EIF4ENIF1: variants seen among roughly 807,000 people sequenced by gnomAD.
EIF4ENIF1 encodes the protein eukaryotic translation initiation factor 4E nuclear import factor 1.
Under a neutral mutation model 110.5 loss-of-function variants are expected in EIF4ENIF1, and 23 were observed. That is an observed-to-expected ratio of 0.21 (90% CI 0.15 to 0.29). The LOEUF is 0.29. Among genes scored for constraint, EIF4ENIF1 ranks in the 10% least tolerant of loss-of-function variants. EIF4ENIF1 has a pLI of 1.00. For synonymous variants in EIF4ENIF1, 440 were observed against 437.0 expected, an observed-to-expected ratio of 1.01 and a Z score of -0.09; for missense variants, 1,031 against 1,221.1, an observed-to-expected ratio of 0.84 and a Z score of 2.32.
intron 1 of EIF4ENIF1, 38 bp from the exon 2 acceptor site, chr22:31,488,783 AGT>A: frequency 6.4e-7 from 1 of 1,557,786 alleles, no homozygotes; most frequent in Non-Finnish European, 8.6e-7. Context: ...CACCGAGAAC[AGT>A]AAGTTTTCAG....
intron 14 of EIF4ENIF1, 33 bp downstream of exon 14, chr22:31,447,393 T>C: frequency 6.2e-7 from 1 of 1,604,974 alleles, no homozygotes; most frequent in Non-Finnish European, 8.5e-7. Flanking sequence ...AACTTATCCG[T>C]AAATCTCCAC....
At chr22:31,465,645 A>G (rs2051160224) in intron 4 of EIF4ENIF1, among the ~76,000 whole-genome samples, 1 of 152,244 alleles carries the variant, frequency 6.6e-6, no homozygotes, top group Non-Finnish European at 1.5e-5. Flanking sequence ...TACATCTGCT[A>G]TACAACCCAG....
chr22:31,441,550 G>GAAAAAAAAAAAAAAAAAA (rs771597260), intron 17 of EIF4ENIF1, among the ~76,000 whole-genome samples: 19 of 65,244 alleles, frequency 2.9e-4, no homozygotes, highest in African/African-American at 1.1e-3. Flanking sequence ...CTACAAAAAG[G>GAAAAAAAAAAAAAAAAAA]AAAAAAAAAA....
At chr22:31,484,445 A>G (rs752467557) in intron 2 of EIF4ENIF1, among the ~76,000 whole-genome samples, 13 of 152,032 alleles carry the variant, frequency 8.6e-5, no homozygotes, top group Admixed American at 2.6e-4. Flanking sequence ...AGAAGGGTCA[A>G]TGGTTAAGGG....
At chr22:31,464,862 A>G (rs1343403962) in intron 4 of EIF4ENIF1, among the ~76,000 whole-genome samples, 2 of 150,914 alleles carry the variant, frequency 1.3e-5, no homozygotes, top group Admixed American at 6.6e-5. Context: ...TAGGCATGAC[A>G]CCAAAAGCAT....
chr22:31,443,172 G>A, intron 15 of EIF4ENIF1, 78 bp from the exon 16 acceptor site: 1 of 1,559,988 alleles, frequency 6.4e-7, no homozygotes, highest in South Asian at 1.2e-5. Context: ...AACTTGTCAA[G>A]ATACTCAACA....
Position 31,444,573 on chromosome 22 carries a change from TAAA to T in EIF4ENIF1, c.2073+30_2073+32del, listed in dbSNP as rs775225482. 4 of 1,605,678 alleles carry T rather than the reference TAAA, an allele frequency of 2.5e-6. No homozygotes were observed. In the East Asian group the frequency reaches 8.9e-5, roughly 36 times the overall value. ...TGCACAACCAAACAGGGAGAAGCCT[TAAA>T]GTCCTTCACAGTTACTAAAGGTCAC... On this transcript the variant is annotated intron_variant, in intron 15 of 18. Transcript: ENST00000330125.
Position 31,450,303 on chromosome 22 carries a change from T to C in EIF4ENIF1, c.1570A>G (p.Lys524Glu). Reference protein sequence around the residue: ...PAEIPGQPVPKNILQELLGQP... With the variant: ...PAEIPGQPVPENILQELLGQP... ...TTGTGAAGTACCTGCAGGATGTTCT[T>C]AGGGACAGGCTGGCCTGGAATCTCA... The change falls in exon 11 of 19, where the codon AAG becomes GAG. Residue 524 changes from lysine (K) to glutamate (E), a missense_variant. Physicochemically the swap from Lys to Glu is moderately conservative, Grantham distance 56. Coordinates refer to ENST00000330125, the MANE Select transcript of EIF4ENIF1 (RefSeq NM_019843.4). 1 of 1,613,436 alleles carries C rather than the reference T, an allele frequency of 6.2e-7. No homozygotes were observed. Among genetic ancestry groups the C allele is most frequent in the South Asian group, 1.1e-5 (1 of 91,068 alleles).
At chr22:31,484,257 C>T (rs1045942867) in intron 2 of EIF4ENIF1, among the ~76,000 whole-genome samples, 3 of 152,076 alleles carry the variant, frequency 2.0e-5, no homozygotes, top group Non-Finnish European at 4.4e-5. Context: ...TTAACATTTG[C>T]GAAACAAGCT....
intron 15 of EIF4ENIF1, 30 bp from the exon 16 acceptor site, chr22:31,443,124 A>T (rs1421687747): frequency 6.2e-7 from 1 of 1,610,730 alleles, no homozygotes. Flanking sequence ...GCATTAGCAC[A>T]TTCTCTAAGT....
intron 3 of EIF4ENIF1, among the ~76,000 whole-genome samples, chr22:31,470,063 C>T (rs2051313983): frequency 6.7e-6 from 1 of 148,610 alleles, no homozygotes; most frequent in South Asian, 2.2e-4. Flanking sequence ...ACTCGGGAGG[C>T]TGAGGCAGGA....
intron 6 of EIF4ENIF1, among the ~76,000 whole-genome samples, chr22:31,459,729 G>A (rs1031030740): frequency 2.0e-5 from 3 of 148,390 alleles, no homozygotes; most frequent in African/African-American, 7.4e-5. Flanking sequence ...TAACATTTAA[G>A]GCATCTGACA....
downstream of EIF4ENIF1, among the ~76,000 whole-genome samples, chr22:31,438,078 C>G (rs984074648): frequency 2.0e-5 from 3 of 152,176 alleles, no homozygotes; most frequent in East Asian, 5.8e-4. Context: ...AACAAACGGT[C>G]AAGACTTAGG....
intron 7 of EIF4ENIF1, among the ~76,000 whole-genome samples, chr22:31,456,514 C>G (rs1264402270): frequency 2.6e-5 from 4 of 151,878 alleles, no homozygotes; most frequent in African/African-American, 9.7e-5. Flanking sequence ...TGAGCCACCA[C>G]ACCCGGTCTA....
At chr22:31,467,650 CCA>C (rs2051234804) in intron 4 of EIF4ENIF1, among the ~76,000 whole-genome samples, 2 of 152,054 alleles carry the variant, frequency 1.3e-5, no homozygotes, top group Admixed American at 6.6e-5. Context: ...TGGTGAAACC[CCA>C]TCTCTACTAA....
intron 14 of EIF4ENIF1, among the ~76,000 whole-genome samples, chr22:31,445,933 G>C (rs552545879): frequency 7.0e-6 from 1 of 142,246 alleles, no homozygotes; most frequent in African/African-American, 2.6e-5. Context: ...TTCTGTATCT[G>C]TAAAATGCAG....
chr22:31,474,363 C>A (rs1421644869), intron 2 of EIF4ENIF1, among the ~76,000 whole-genome samples: 1 of 152,106 alleles, frequency 6.6e-6, no homozygotes, highest in Non-Finnish European at 1.5e-5. Context: ...GCCCGGCTGA[C>A]TCCTGGTTTT....
intron 2 of EIF4ENIF1, among the ~76,000 whole-genome samples, chr22:31,487,433 A>G (rs992515302): frequency 6.6e-6 from 1 of 152,200 alleles, no homozygotes; most frequent in Non-Finnish European, 1.5e-5. Context: ...CCAGAACACA[A>G]ACAAGAGCTG....
At chr22:31,483,478 CAA>C (rs2051905192) in intron 2 of EIF4ENIF1, among the ~76,000 whole-genome samples, 1 of 151,988 alleles carries the variant, frequency 6.6e-6, no homozygotes. Flanking sequence ...GCTGGGATTA[CAA>C]GTGTGAGCCA....
Sources: gnomAD v4.1 joint callset for allele counts (sites outside exome capture counted in the v4.1 genomes callset) on GRCh38, gnomAD v4.1.1 for gene constraint, MANE v1.5 for transcripts, NCBI Gene and HGNC (gene_info 2026-07-23, HGNC 2026-07-21) for gene names.